The following DNAH6 variants were observed in gnomAD, a reference collection of about 807,000 sequenced individuals.
DNAH6 encodes axonemal beta dynein heavy chain 6.
In DNAH6, 340 loss-of-function variants were observed where a neutral mutation model predicts 491.4. That is an observed-to-expected ratio of 0.69 (90% CI 0.63 to 0.76). The LOEUF is 0.76. DNAH6 is among the 30% of genes least tolerant of loss of function. The pLI is 0.00. For missense variants in DNAH6, 4,443 were observed against 4,972.2 expected (o/e 0.89, Z 3.20); for synonymous variants, 1,603 against 1,686.1 (o/e 0.95, Z 1.21).
intron 15 of DNAH6, among the ~76,000 whole-genome samples, chr2:84,585,127 T>C (rs1303959632): frequency 1.3e-5 from 2 of 152,238 alleles, no homozygotes; most frequent in African/African-American, 4.8e-5. Flanking sequence ...CTTGGCACTG[T>C]TGTTACTTTT....
intron 63 of DNAH6, among the ~76,000 whole-genome samples, chr2:84,755,753 A>G (rs1673946944): frequency 6.6e-6 from 1 of 152,178 alleles, no homozygotes; most frequent in Non-Finnish European, 1.5e-5. Context: ...GTCTTTCATC[A>G]TTAACCATGA....
intron 34 of DNAH6, among the ~76,000 whole-genome samples, chr2:84,654,255 G>C (rs1418410791): frequency 2.6e-5 from 4 of 152,104 alleles, no homozygotes; most frequent in Non-Finnish European, 5.9e-5. Flanking sequence ...ATTGGGAGAG[G>C]AATGTGGACC....
At chr2:84,805,534 A>G (rs1011039544) in intron 70 of DNAH6, 131 bp from the exon 71 acceptor site, 38 of 836,808 alleles carry the variant, frequency 4.5e-5, no homozygotes, top group Non-Finnish European at 1.0e-5. Flanking sequence ...TCTTACCACA[A>G]TAAAATAAAG....
chr2:84,721,969 G>A (rs1344693686), intron 59 of DNAH6, among the ~76,000 whole-genome samples: 1 of 152,170 alleles, frequency 6.6e-6, no homozygotes, highest in Non-Finnish European at 1.5e-5. Context: ...GAGAGACATA[G>A]AGAAGGGAAT....
intron 37 of DNAH6, among the ~76,000 whole-genome samples, chr2:84,667,047 T>G (rs569986278): frequency 6.6e-6 from 1 of 152,326 alleles, no homozygotes; most frequent in South Asian, 2.1e-4. Flanking sequence ...TAGCCATATG[T>G]AGAAAGCTGA....
intron 11 of DNAH6, among the ~76,000 whole-genome samples, chr2:84,563,244 C>T (rs1680849094): frequency 6.6e-6 from 1 of 152,230 alleles, no homozygotes; most frequent in East Asian, 1.9e-4. Flanking sequence ...CAGGTACATA[C>T]CCAATAATGG....
At chr2:84,518,509 C>T (rs913280288) in intron 2 of DNAH6, among the ~76,000 whole-genome samples, 2 of 152,124 alleles carry the variant, frequency 1.3e-5, no homozygotes, top group African/African-American at 2.4e-5. Flanking sequence ...TAATTATAAA[C>T]GCATGTAAAG....
At chr2:84,663,467 C>T (rs916657663) in intron 37 of DNAH6, among the ~76,000 whole-genome samples, 22 of 151,694 alleles carry the variant, frequency 1.5e-4, no homozygotes, top group Non-Finnish European at 2.9e-4. Flanking sequence ...CTTCAGCAGC[C>T]GATTCTATCA....
intron 62 of DNAH6, among the ~76,000 whole-genome samples, chr2:84,742,316 T>C (rs1672599420): frequency 6.6e-6 from 1 of 152,232 alleles, no homozygotes; most frequent in Admixed American, 6.5e-5. Flanking sequence ...ATTTTGTTGT[T>C]GTTTTGAGGA....
intron 63 of DNAH6, among the ~76,000 whole-genome samples, chr2:84,761,501 AT>A (rs1354971758): frequency 6.6e-6 from 1 of 152,172 alleles, no homozygotes; most frequent in Admixed American, 6.6e-5. Flanking sequence ...CCCAAAAAAA[AT>A]ATAAAGAAAT....
chr2:84,819,245 CT>C, intron 76 of DNAH6, 59 bp from the exon 77 acceptor site: 2 of 1,248,266 alleles, frequency 1.6e-6, no homozygotes, highest in Non-Finnish European at 2.3e-6. Context: ...TAGCCTCTCT[CT>C]TTGTATGAGG....
chr2:84,541,751 G>C (rs1190774666), intron 4 of DNAH6, among the ~76,000 whole-genome samples: 1 of 152,224 alleles, frequency 6.6e-6, no homozygotes, highest in Non-Finnish European at 1.5e-5. Context: ...GTGAAGATGT[G>C]AGAGGGAGCT....
chr2:84,675,911 C>T (rs886429085), intron 40 of DNAH6, among the ~76,000 whole-genome samples: 2 of 152,190 alleles, frequency 1.3e-5, no homozygotes, highest in African/African-American at 4.8e-5. Context: ...CCGCCTGCCT[C>T]AGCCTCCCAA....
the DNAH6 span, among the ~76,000 whole-genome samples, chr2:84,488,650 A>C: frequency 2.0e-5 from 3 of 151,990 alleles, no homozygotes; most frequent in East Asian, 3.9e-4. Context: ...TCTTATGTAG[A>C]CCCTTATGAT....
intron 63 of DNAH6, among the ~76,000 whole-genome samples, chr2:84,760,542 G>C (rs1011811226): frequency 5.3e-5 from 8 of 151,894 alleles, no homozygotes; most frequent in Non-Finnish European, 1.2e-4. Flanking sequence ...ATGGCTAACA[G>C]GTATATGAAA....
intron 4 of DNAH6, among the ~76,000 whole-genome samples, chr2:84,541,420 T>G (rs1233935910): frequency 6.6e-6 from 1 of 152,180 alleles, no homozygotes; most frequent in African/African-American, 2.4e-5. Context: ...ATAATTCCAT[T>G]AAAGTAACAG....
the DNAH6 span, among the ~76,000 whole-genome samples, chr2:84,504,988 G>T: frequency 6.6e-6 from 1 of 152,150 alleles, no homozygotes; most frequent in Non-Finnish European, 1.5e-5. Flanking sequence ...TCAGATTCAT[G>T]AACACATGAT....
At chr2:84,765,236 G>A (rs1674967795) in intron 64 of DNAH6, among the ~76,000 whole-genome samples, 1 of 152,064 alleles carries the variant, frequency 6.6e-6, no homozygotes, top group Admixed American at 6.5e-5. Context: ...GACCTTGGGA[G>A]TGGAGGTTAG....
intron 64 of DNAH6, among the ~76,000 whole-genome samples, chr2:84,779,199 T>TG (rs1217060532): frequency 1.3e-5 from 2 of 152,176 alleles, no homozygotes; most frequent in Non-Finnish European, 2.9e-5. Context: ...TTTTTGTTAG[T>TG]TTTCTGCCAC....
Sources: allele counts gnomAD v4.1 joint callset (sites outside exome capture counted in the v4.1 genomes callset), GRCh38; gene constraint gnomAD v4.1.1; transcripts MANE v1.5; gene names NCBI Gene and HGNC (gene_info 2026-07-23, HGNC 2026-07-21).